Variants in CNTNAP5 observed in about 807,000 individuals in gnomAD.
CNTNAP5 encodes contactin-associated protein-like 5.
CNTNAP5 carries 72 observed loss-of-function variants against 150.2 expected under a neutral mutation model. The ratio of observed to expected loss-of-function variants is 0.48; its 90% CI spans 0.40 to 0.58. CNTNAP5 has a LOEUF of 0.58. Among genes scored for constraint, CNTNAP5 ranks in the 20% least tolerant of loss-of-function variants. The probability of loss-of-function intolerance (pLI) is 0.00; values close to 1 mark genes in which losing one functional copy is unlikely to be tolerated. For synonymous variants in CNTNAP5, 672 were observed against 619.8 expected (o/e 1.08, Z -1.25); for missense variants, 1,636 against 1,626.2 (o/e 1.01, Z -0.10).
intron 11 of CNTNAP5, among the ~76,000 whole-genome samples, chr2:124,570,332 C>A (rs899909319): frequency 1.3e-5 from 2 of 152,000 alleles, no homozygotes; most frequent in Non-Finnish European, 2.9e-5. Flanking sequence ...GGAAGAGCAC[C>A]GACAACGGCC....
intron 1 of CNTNAP5, among the ~76,000 whole-genome samples, chr2:124,041,658 A>T (rs746682911): frequency 2.6e-5 from 4 of 152,114 alleles, no homozygotes; most frequent in Non-Finnish European, 5.9e-5. Flanking sequence ...TGGTTGTCAC[A>T]GCTTGGGGGT....
intron 3 of CNTNAP5, among the ~76,000 whole-genome samples, chr2:124,318,236 C>T (rs767682589): frequency 1.3e-5 from 2 of 152,174 alleles, no homozygotes; most frequent in Non-Finnish European, 2.9e-5. Flanking sequence ...GGGCAAGTCA[C>T]GCAGGCCTCT....
At chr2:124,548,120 A>T (rs1418047886) in intron 10 of CNTNAP5, among the ~76,000 whole-genome samples, 1 of 152,206 alleles carries the variant, frequency 6.6e-6, no homozygotes, top group Non-Finnish European at 1.5e-5. Context: ...GGGGGAAAAA[A>T]CATTAATTGT....
intron 1 of CNTNAP5, among the ~76,000 whole-genome samples, chr2:124,212,720 CACTT>C (rs1471887764): frequency 6.6e-6 from 1 of 151,652 alleles, no homozygotes; most frequent in Non-Finnish European, 1.5e-5. Flanking sequence ...AACAACAGGT[CACTT>C]ACTCCTGAAC....
chr2:124,032,809 T>A (rs1354632220), intron 1 of CNTNAP5, among the ~76,000 whole-genome samples: 1 of 152,232 alleles, frequency 6.6e-6, no homozygotes, highest in Non-Finnish European at 1.5e-5. Context: ...CAAACGACCA[T>A]ATTCTCAGTG....
intron 10 of CNTNAP5, among the ~76,000 whole-genome samples, chr2:124,529,857 T>C (rs1421783560): frequency 6.6e-6 from 1 of 152,126 alleles, no homozygotes; most frequent in Admixed American, 6.6e-5. Flanking sequence ...CAGGCCTCCA[T>C]TTGCCTCTTT....
chr2:124,053,266 G>A (rs1234771982), intron 1 of CNTNAP5, among the ~76,000 whole-genome samples: 1 of 152,168 alleles, frequency 6.6e-6, no homozygotes, highest in African/African-American at 2.4e-5. Context: ...AAAATCATCA[G>A]ATTCAGCCAC....
rs1016120714 is a variant in CNTNAP5, at chr2:124,348,390, G to A, written c.382-69053G>A. 5.3e-5 allele frequency among the ~76,000 whole-genome samples: 8 copies of A among 152,086 alleles called. No homozygotes were observed. The South Asian group carries it at 8.3e-4, about 16-fold the overall frequency. On this transcript the variant is annotated intron_variant, in intron 3 of 23. Coordinates refer to ENST00000682447, the MANE Select transcript of CNTNAP5 (RefSeq NM_001367498.1). ...AAAAGTGACAACCGAGGGCATCCTC[G>A]TTTTGTTTCTAAACTTAGGGAAAAA... is the stretch of plus-strand genomic sequence containing the variant.
chr2:124,194,142 C>T (rs542023945), intron 1 of CNTNAP5, among the ~76,000 whole-genome samples: 45 of 151,996 alleles, frequency 3.0e-4, no homozygotes, highest in African/African-American at 1.1e-3. Context: ...TGCAATATCC[C>T]TTCATTCCAA....
chr2:124,771,958 A>G (rs1681205964), intron 16 of CNTNAP5, among the ~76,000 whole-genome samples: 1 of 150,144 alleles, frequency 6.7e-6, no homozygotes. Flanking sequence ...CATTATCACC[A>G]CCATTGCCAC....
chr2:124,864,838 C>G (rs988774078), intron 19 of CNTNAP5, among the ~76,000 whole-genome samples: 4 of 152,248 alleles, frequency 2.6e-5, no homozygotes, highest in African/African-American at 9.6e-5. Context: ...GTGCCCTAAT[C>G]TGGCCACATT....
intron 13 of CNTNAP5, among the ~76,000 whole-genome samples, chr2:124,738,677 G>A (rs970639083): frequency 1.6e-4 from 24 of 151,606 alleles, no homozygotes; most frequent in Non-Finnish European, 3.4e-4. Flanking sequence ...GTTGCAGTGA[G>A]CCGAGATTAT....
chr2:124,675,714 T>C (rs1194859245), intron 13 of CNTNAP5, among the ~76,000 whole-genome samples: 1 of 152,210 alleles, frequency 6.6e-6, no homozygotes, highest in African/African-American at 2.4e-5. Flanking sequence ...GTTTAGTATG[T>C]ACTGCTTTGT....
intron 1 of CNTNAP5, among the ~76,000 whole-genome samples, chr2:124,066,428 T>A (rs1682156806): frequency 6.6e-6 from 1 of 152,148 alleles, no homozygotes; most frequent in Non-Finnish European, 1.5e-5. Flanking sequence ...GAAACTGTTT[T>A]TAAATTAGTA....
At chr2:124,074,598 G>A (rs1682392342) in intron 1 of CNTNAP5, among the ~76,000 whole-genome samples, 1 of 152,106 alleles carries the variant, frequency 6.6e-6, no homozygotes, top group East Asian at 1.9e-4. Context: ...ATGGGACCAG[G>A]GGAACCCTTG....
intron 13 of CNTNAP5, among the ~76,000 whole-genome samples, chr2:124,653,055 A>G (rs1331872840): frequency 1.3e-5 from 2 of 152,182 alleles, no homozygotes; most frequent in Non-Finnish European, 2.9e-5. Context: ...TGCCGTGAGG[A>G]TTGTGTAAGT....
rs146562699 is a variant in CNTNAP5 at position 124,260,532 on chromosome 2, T to C, written c.381+18139T>C. ...ATTGACAAATGGGATCTAATTAAAC[T>C]AAAGAGCTTCTGCACAGCCAAAGAA... On this transcript the variant is annotated intron_variant, in intron 3 of 23. Transcript: ENST00000682447. 9.0e-3 allele frequency among the ~76,000 whole-genome samples: 1,377 copies of C among 152,240 alleles called. 22 individuals carry two copies. The highest frequency in any genetic ancestry group is 0.031 in the African/African-American group (1,292 of 41,534).
intron 3 of CNTNAP5, among the ~76,000 whole-genome samples, chr2:124,317,541 G>C (rs991979175): frequency 6.6e-6 from 1 of 151,932 alleles, no homozygotes; most frequent in Non-Finnish European, 1.5e-5. Context: ...TTTCTCAAAG[G>C]GCATTTAGAA....
chr2:124,142,899 C>T (rs908336113), intron 1 of CNTNAP5, among the ~76,000 whole-genome samples: 1 of 149,064 alleles, frequency 6.7e-6, no homozygotes, highest in Non-Finnish European at 1.5e-5. Flanking sequence ...GCTAGCAAGA[C>T]TAATAAAGCA....
Sources: allele counts gnomAD v4.1 joint callset (sites outside exome capture counted in the v4.1 genomes callset), GRCh38; gene constraint gnomAD v4.1.1; transcripts MANE v1.5; gene names NCBI Gene and HGNC (gene_info 2026-07-23, HGNC 2026-07-21).